Variants in SUSD6 observed in about 807,000 individuals in gnomAD.
The protein encoded by SUSD6 is sushi domain-containing protein 6.
Under a neutral mutation model 28.4 loss-of-function variants are expected in SUSD6, and 16 were observed. That is an observed-to-expected ratio of 0.56 (90% CI 0.38 to 0.86). The LOEUF is 0.86. SUSD6 is among the 40% of genes least tolerant of loss of function. The pLI, the probability that SUSD6 is intolerant of heterozygous loss-of-function variation, is 0.00. For missense variants in SUSD6, 341 were observed against 384.2 expected (o/e 0.89, Z 0.94); for synonymous variants, 147 against 159.6 (o/e 0.92, Z 0.59).
In SUSD6 at chr14:69,641,766, A is replaced by AT. The variant is rs1566593072; in HGVS notation, c.-80-16747_-80-16746insT. Among the ~76,000 whole-genome samples, 1,257 of 150,238 alleles carry AT rather than the reference A, an allele frequency of 8.4e-3. 14 individuals carry two copies. The highest frequency in any genetic ancestry group is 0.03 in the African/African-American group (1,195 of 40,150). The stretch of plus-strand genomic sequence containing the variant: ...CACTACACCCAGATAATTTAAAAAA[A>AT]ATTTTTTTTTTTTTGTAGAGAGGAG... On this transcript the variant is annotated intron_variant, in intron 1 of 5. Transcript: ENST00000342745.
intron 2 of SUSD6, among the ~76,000 whole-genome samples, chr14:69,660,252 C>CT (rs989876322): frequency 8.5e-5 from 13 of 152,234 alleles, no homozygotes; most frequent in African/African-American, 2.4e-4. Flanking sequence ...CTCAGCTAAT[C>CT]TTTTTTTTCT....
intron 2 of SUSD6, among the ~76,000 whole-genome samples, chr14:69,701,223 A>C (rs1359985871): frequency 6.9e-6 from 1 of 144,888 alleles, no homozygotes; most frequent in Non-Finnish European, 1.5e-5. Flanking sequence ...TTTTTTTTTG[A>C]CTTATTATGA....
intron 2 of SUSD6, among the ~76,000 whole-genome samples, chr14:69,696,564 G>A (rs1025832136): frequency 1.3e-5 from 2 of 152,318 alleles, no homozygotes; most frequent in Non-Finnish European, 2.9e-5. Flanking sequence ...AACTTTAAGA[G>A]ACCCTTAGTG....
intron 2 of SUSD6, among the ~76,000 whole-genome samples, chr14:69,686,464 T>C (rs1886075245): frequency 6.6e-6 from 1 of 152,218 alleles, no homozygotes. Context: ...TGAAAGGCCC[T>C]TCTAGAGCCG....
In SUSD6 at chr14:69,712,937, G is replaced by T. The variant is rs1886485756; in HGVS notation, c.*1958G>T. On this transcript the variant is annotated 3_prime_UTR_variant, in exon 6 of 6. Coordinates refer to ENST00000342745, the MANE Select transcript of SUSD6 (RefSeq NM_014734.4). ...GAGACTAGCATGGGCCCACCTGGAG[G>T]GCTGTCCCTAATGGCCCCAGTCGCC... 1 of 152,362 alleles carries T rather than the reference G, an allele frequency of 6.6e-6. No homozygotes were observed. Among genetic ancestry groups the T allele is most frequent in the Non-Finnish European group, 1.5e-5 (1 of 68,214 alleles). The allele number at this position is 152,362 out of a possible 1,614,324, so 9.4% of individuals were successfully genotyped here. A position where few individuals can be genotyped will look rare whatever the true frequency, so the allele number is the denominator to read the frequency against.
chr14:69,658,527 G>A lies in SUSD6; in HGVS notation c.-66G>A, dbSNP rs1208916920. 15 of 1,568,102 alleles carry A rather than the reference G, an allele frequency of 9.6e-6. No individual in the cohort carries two copies. Among genetic ancestry groups the A allele is most frequent in the Middle Eastern group, 3.4e-4 (2 of 5,936 alleles). ...GTTTGTTACAGGTGAATCAGCTCCC[G>A]GCCGACTTTAGGATTCTTCTGGATT... On this transcript the variant is annotated 5_prime_UTR_variant, in exon 2 of 6. Transcript: ENST00000342745.
At chr14:69,641,160 C>G (rs1401553667) in intron 1 of SUSD6, among the ~76,000 whole-genome samples, 1 of 152,240 alleles carries the variant, frequency 6.6e-6, no homozygotes, top group East Asian at 1.9e-4. Flanking sequence ...GTCTAATTCC[C>G]TGCCCCATGG....
chr14:69,711,218 A>C lies in SUSD6; in HGVS notation c.*239A>C, dbSNP rs1024384967. ...GCTCTTTGCCTGGCCCCGCCTTCCCATCTGTCAGAGACATATTTGAATGTG... is the reference window on the plus strand; with the variant it reads ...GCTCTTTGCCTGGCCCCGCCTTCCCCTCTGTCAGAGACATATTTGAATGTG... On this transcript the variant is annotated 3_prime_UTR_variant, in exon 6 of 6. Coordinates refer to ENST00000342745, the MANE Select transcript of SUSD6 (RefSeq NM_014734.4). 11 of 577,564 alleles carry C rather than the reference A, an allele frequency of 1.9e-5. No homozygotes were observed. Among genetic ancestry groups the C allele is most frequent in the Non-Finnish European group, 3.1e-5 (10 of 323,308 alleles). The allele number at this position is 577,564 out of a possible 1,614,324, so 35.8% of individuals were successfully genotyped here. A position where few individuals can be genotyped will look rare whatever the true frequency, so the allele number is the denominator to read the frequency against.
chr14:69,624,402 A>G (rs529097905), intron 1 of SUSD6, among the ~76,000 whole-genome samples: 47 of 151,978 alleles, frequency 3.1e-4, no homozygotes, highest in African/African-American at 1.1e-3. Context: ...CAGTTCTGCC[A>G]TGTATCAGCC....
intron 1 of SUSD6, among the ~76,000 whole-genome samples, chr14:69,638,398 G>A (rs966668959): frequency 6.6e-6 from 1 of 150,628 alleles, no homozygotes; most frequent in African/African-American, 2.4e-5. Context: ...TGAGTTTGAA[G>A]GTTCTGAACT....
chr14:69,630,443 C>A (rs546061243), intron 1 of SUSD6, among the ~76,000 whole-genome samples: 1 of 152,312 alleles, frequency 6.6e-6, no homozygotes, highest in Non-Finnish European at 1.5e-5. Flanking sequence ...ATTACTGAAA[C>A]CTTTTCTGAG....
intron 1 of SUSD6, among the ~76,000 whole-genome samples, chr14:69,620,383 A>C (rs1242503129): frequency 1.3e-5 from 2 of 152,240 alleles, no homozygotes; most frequent in Non-Finnish European, 2.9e-5. Flanking sequence ...TTGCTGCAGA[A>C]ACCAAAGGGA....
intron 2 of SUSD6, among the ~76,000 whole-genome samples, chr14:69,677,454 G>T (rs918603468): frequency 1.2e-4 from 18 of 152,062 alleles, no homozygotes; most frequent in Non-Finnish European, 5.9e-5. Context: ...GGCTGAGGCA[G>T]GAGAATGGCA....
chr14:69,689,639 A>G (rs1037650725), intron 2 of SUSD6, among the ~76,000 whole-genome samples: 1 of 152,228 alleles, frequency 6.6e-6, no homozygotes, highest in Non-Finnish European at 1.5e-5. Context: ...CCTGGAGAGA[A>G]TAAGAATCAA....
intron 2 of SUSD6, among the ~76,000 whole-genome samples, chr14:69,675,555 T>C (rs1255607725): frequency 2.0e-5 from 3 of 150,078 alleles, no homozygotes; most frequent in African/African-American, 7.3e-5. Context: ...TTTTTTTTTC[T>C]TGGGCCTGAA....
At chr14:69,649,319 T>G (rs1885471081) in intron 1 of SUSD6, among the ~76,000 whole-genome samples, 1 of 152,114 alleles carries the variant, frequency 6.6e-6, no homozygotes, top group Non-Finnish European at 1.5e-5. Context: ...CTTTAGCAAA[T>G]CGGCTTCCCG....
At chr14:69,698,690 C>T (rs1480111578) in intron 2 of SUSD6, among the ~76,000 whole-genome samples, 2 of 152,102 alleles carry the variant, frequency 1.3e-5, no homozygotes, top group Non-Finnish European at 2.9e-5. Flanking sequence ...CAGGCTGAGG[C>T]GACGGAGGTG....
At chr14:69,689,361 A>C (rs1418183264) in intron 2 of SUSD6, among the ~76,000 whole-genome samples, 1 of 152,210 alleles carries the variant, frequency 6.6e-6, no homozygotes, top group Non-Finnish European at 1.5e-5. Context: ...CTTGTTGAAA[A>C]AATGAATGGC....
chr14:69,614,477 C>T (rs904844954), intron 1 of SUSD6, among the ~76,000 whole-genome samples: 1 of 152,216 alleles, frequency 6.6e-6, no homozygotes, highest in Non-Finnish European at 1.5e-5. Flanking sequence ...TGCACACACA[C>T]ACCCCTTCCA....
Sources: allele counts gnomAD v4.1 joint callset (sites outside exome capture counted in the v4.1 genomes callset), GRCh38; gene constraint gnomAD v4.1.1; transcripts MANE v1.5; gene names NCBI Gene and HGNC (gene_info 2026-07-23, HGNC 2026-07-21).